RC3H1: variants seen among roughly 807,000 people sequenced by gnomAD.
RC3H1 encodes ring finger and CCCH-type domains 1.
In RC3H1, 50 loss-of-function variants were observed where a neutral mutation model predicts 138.2. That is an observed-to-expected ratio of 0.36 (90% CI 0.29 to 0.46). RC3H1 has a LOEUF of 0.46. Ranked by LOEUF, RC3H1 falls within the 20% of genes least tolerant of loss-of-function variation. RC3H1 has a pLI of 1.00. For missense variants in RC3H1, 1,031 were observed against 1,388.1 expected (o/e 0.74, Z 4.09); for synonymous variants, 462 against 489.1 (o/e 0.94, Z 0.73).
chr1:173,982,151 G>A (rs1423960408), intron 5 of RC3H1, among the ~76,000 whole-genome samples: 6 of 152,180 alleles, frequency 3.9e-5, no homozygotes, highest in South Asian at 2.1e-4. Context: ...AGGCTGAGGC[G>A]GGCAGATCAC....
rs869163818 is a variant in RC3H1, at chr1:173,936,539, A to AG, written c.*2181dup. The AG allele has an allele frequency of 6.8e-6, 1 of 146,876 alleles. No individual in the cohort carries two copies. The highest frequency in any genetic ancestry group is 1.5e-5 in the Non-Finnish European group (1 of 66,896). 9.1% of individuals were successfully genotyped at this position (146,876 alleles called of 1,614,324 possible). ...CAAAAAAAAAAAAAAAAAAAAAAAA[A>AG]GAAGGTTGGAGGCCAATAATGTTGC... On this transcript the variant is annotated 3_prime_UTR_variant, in exon 20 of 20. Coordinates refer to ENST00000367696, the MANE Select transcript of RC3H1 (RefSeq NM_172071.4).
Position 173,938,875 on chromosome 1 carries a change from C to T in RC3H1, c.3252-4G>A. 1 of 1,575,982 alleles carries T rather than the reference C, an allele frequency of 6.3e-7. No individual in the cohort carries two copies. The highest frequency in any genetic ancestry group is 8.6e-7 in the Non-Finnish European group (1 of 1,162,478). ...GGCTGATCCATTTGGTACATCACTG[C>T]TGACATTTTAAAATTTTGAAAAAGG... On this transcript the variant is annotated splice_region_variant and splice_polypyrimidine_tract_variant and intron_variant, in intron 19 of 19. Coordinates refer to ENST00000367696, the MANE Select transcript of RC3H1 (RefSeq NM_172071.4).
chr1:173,962,075 G>A lies in RC3H1; in HGVS notation c.1852C>T (p.Pro618Ser), dbSNP rs762478797. Residue 618 changes from proline to serine, a missense_variant, in exon 12 of 20, where the codon CCA (proline) becomes TCA (serine). Transcript: ENST00000367696. ...CGGACAAAGCGGGACACACATTGTG[G>A]TGGTGGAGTATAATACATACCTGCA... The part of the protein sequence containing the change: ...YQQGMYYTPP[P>S]QCVSRFVRPP... 1.4e-5 allele frequency: 23 copies of A among 1,613,306 alleles called. 1 individual carries two copies. The East Asian group carries it at 4.7e-4, about 33-fold the overall frequency.
At chr1:173,942,446 A>AG (rs1454295679) in intron 18 of RC3H1, among the ~76,000 whole-genome samples, 1 of 149,488 alleles carries the variant, frequency 6.7e-6, no homozygotes, top group Non-Finnish European at 1.5e-5. Context: ...AAAAAAAAAA[A>AG]AAAAGAAAAG....
chr1:174,008,853 G>A (rs1987872), intron 1 of RC3H1, among the ~76,000 whole-genome samples: 9 of 151,406 alleles, frequency 5.9e-5, no homozygotes, highest in Admixed American at 3.9e-4. Context: ...GGCGGGCACC[G>A]GTAATCCCAG....
At chr1:174,002,866 T>C (rs1288291664) in intron 1 of RC3H1, among the ~76,000 whole-genome samples, 1 of 152,188 alleles carries the variant, frequency 6.6e-6, no homozygotes, top group Admixed American at 6.5e-5. Context: ...CCTTCCCCAG[T>C]TCTCTTCCCT....
chr1:174,022,217 C>T lies in RC3H1; in HGVS notation c.-272G>A. ...TCTGATTCTGTCCCAGGCCGCCGGG[C>T]CACGGCTGCCGCCGCCACCGCCAGC... is the stretch of plus-strand genomic sequence containing the variant. On this transcript the variant is annotated 5_prime_UTR_variant, in exon 1 of 20. Transcript: ENST00000367696. The surrounding 1 kb of genome is among the most constrained non-coding windows in gnomAD (Gnocchi z 4.2). 1 of 393,548 alleles carries T rather than the reference C, an allele frequency of 2.5e-6. No homozygotes were observed. The highest frequency in any genetic ancestry group is 2.1e-5 in the African/African-American group (1 of 48,334). 24.4% of individuals were successfully genotyped at this position (393,548 alleles called of 1,614,324 possible).
At position 173,933,649 on chromosome 1, in the gene RC3H1, G is replaced by A. The variant is rs1351859465; in HGVS notation, c.*5072C>T. On this transcript the variant is annotated 3_prime_UTR_variant, in exon 20 of 20. Coordinates refer to ENST00000367696, the MANE Select transcript of RC3H1 (RefSeq NM_172071.4). ...ATAATCAACCTACAACTCCCAATAAGTCATTTCAGCAGGAAAATTTCATAA... is the reference window on the plus strand; with the variant it reads ...ATAATCAACCTACAACTCCCAATAAATCATTTCAGCAGGAAAATTTCATAA... The A allele has an allele frequency of 2.0e-5, 3 of 152,036 alleles. No individual in the cohort carries two copies. Among genetic ancestry groups the A allele is most frequent in the Non-Finnish European group, 4.4e-5 (3 of 67,972 alleles). The allele number at this position is 152,036 out of a possible 1,614,324, so 9.4% of individuals were successfully genotyped here.
At chr1:173,987,754 A>G (rs997877313) in intron 2 of RC3H1, among the ~76,000 whole-genome samples, 1 of 152,184 alleles carries the variant, frequency 6.6e-6, no homozygotes, top group Non-Finnish European at 1.5e-5. Flanking sequence ...ATAACCCGAG[A>G]TACACACGAG....
intron 17 of RC3H1, among the ~76,000 whole-genome samples, chr1:173,945,205 C>T (rs1659081774): frequency 6.6e-6 from 1 of 151,550 alleles, no homozygotes; most frequent in African/African-American, 2.4e-5. Context: ...CTCACTGCAG[C>T]CTCAACCTCC....
chr1:173,947,300 G>T, intron 15 of RC3H1, 69 bp downstream of exon 15: 1 of 1,030,252 alleles, frequency 9.7e-7, no homozygotes, highest in Non-Finnish European at 1.5e-6. Context: ...ATAGTAAATG[G>T]AGAGCAGGGG....
Position 173,964,907 on chromosome 1 carries a change from A to G in RC3H1, c.1548T>C (p.Tyr516=), listed in dbSNP as rs1660041415. 6.2e-7 allele frequency: 1 copy of G among 1,614,214 alleles called. No homozygotes were observed. ...QLIPRGTDPS[Y]DSSLKPGKID... ...TTTTTCCTGGTTTCAGACTAGAATC[A>G]TAGCTGGGGTCTGTCCCTCGCGGAA... Residue 516 remains tyrosine (Y), a synonymous_variant, in exon 10 of 20, where the codon TAT becomes TAC. Coordinates refer to ENST00000367696, the MANE Select transcript of RC3H1 (RefSeq NM_172071.4).
intron 1 of RC3H1, among the ~76,000 whole-genome samples, chr1:174,014,216 TTTAG>T (rs1661818429): frequency 6.6e-6 from 1 of 152,194 alleles, no homozygotes; most frequent in Non-Finnish European, 1.5e-5. Context: ...AACTATGGAC[TTTAG>T]TTAATAATGT....
chr1:173,971,217 C>A (rs1411691383), intron 8 of RC3H1, among the ~76,000 whole-genome samples: 1 of 152,120 alleles, frequency 6.6e-6, no homozygotes, highest in East Asian at 1.9e-4. Context: ...CTGCCTCAGC[C>A]TCCCAAAGTG....
intron 1 of RC3H1, among the ~76,000 whole-genome samples, chr1:174,007,504 C>A (rs1390266776): frequency 6.6e-6 from 1 of 152,080 alleles, no homozygotes; most frequent in East Asian, 1.9e-4. Flanking sequence ...TGCTTTATCA[C>A]CGAGGCTGGA....
rs200638610 is a variant in RC3H1 at position 173,965,033 on chromosome 1, T to G, written c.1422A>C (p.Ala474=). The G allele has an allele frequency of 4.8e-5, 77 of 1,614,058 alleles. No individual in the cohort carries two copies. Among genetic ancestry groups the G allele is most frequent in the Non-Finnish European group, 2.4e-5 (28 of 1,180,038 alleles). The change falls in exon 10 of 20, where the codon GCA becomes GCC. Residue 474 remains alanine (A), a synonymous_variant. Transcript: ENST00000367696. ...GQLNEVGLPS[A]AILPDEGAVD... ...CTGCACCTTCATCTGGAAGGATAGC[T>G]GCTGAAGGCAGGCCCACCTCATTAA...
intron 1 of RC3H1, among the ~76,000 whole-genome samples, chr1:174,005,409 A>G (rs1661635519): frequency 6.6e-6 from 1 of 152,196 alleles, no homozygotes; most frequent in Non-Finnish European, 1.5e-5. Flanking sequence ...TTGTTATTTA[A>G]TAATAGATTA....
chr1:174,018,313 AG>A (rs1372115813), intron 1 of RC3H1, among the ~76,000 whole-genome samples: 45 of 152,326 alleles, frequency 3.0e-4, no homozygotes, highest in East Asian at 2.3e-3. Flanking sequence ...AGCCTCAATC[AG>A]GAAAACAATA....
chr1:173,975,515 TGTTA>T lies in RC3H1; in HGVS notation c.1103-2892_1103-2889del, dbSNP rs553792057. ...ATGTGCCAACAAAGAAAAAAAAGGT[TGTTA>T]ATTATAATATGTCTTCATACAAATG... On this transcript the variant is annotated intron_variant, in intron 7 of 19. Coordinates refer to ENST00000367696, the MANE Select transcript of RC3H1 (RefSeq NM_172071.4). 7.9e-5 allele frequency among the ~76,000 whole-genome samples: 12 copies of T among 151,910 alleles called. 1 individual carries two copies. The South Asian group carries it at 2.5e-3, about 32-fold the overall frequency.
Sources: gnomAD v4.1 joint callset for allele counts (sites outside exome capture counted in the v4.1 genomes callset) on GRCh38, gnomAD v4.1.1 for gene constraint, Gnocchi (gnomAD v3.1) non-coding constraint, MANE v1.5 for transcripts, NCBI Gene and HGNC (gene_info 2026-07-23, HGNC 2026-07-21) for gene names.